Variants in MDFIC2 observed in about 807,000 individuals in gnomAD.
The protein encoded by MDFIC2 is MyoD family inhibitor domain containing 2.
chr3:70,261,196 A>G (rs773989341), intron 2 of MDFIC2, among the ~76,000 whole-genome samples: 3 of 152,164 alleles, frequency 2.0e-5, no homozygotes, highest in African/African-American at 4.8e-5. Flanking sequence ...ACTCAAAGAC[A>G]TTTGGTGGTC....
intron 2 of MDFIC2, among the ~76,000 whole-genome samples, chr3:70,247,634 A>G (rs1701720067): frequency 6.6e-6 from 1 of 151,982 alleles, no homozygotes. Context: ...TTCAGAATTT[A>G]TGACTCTAAT....
At chr3:70,308,858 G>A (rs1400712137) in intron 2 of MDFIC2, among the ~76,000 whole-genome samples, 1 of 152,066 alleles carries the variant, frequency 6.6e-6, no homozygotes, top group East Asian at 1.9e-4. Flanking sequence ...ATCAAGCAGT[G>A]CACTCAGTGC....
At chr3:70,276,933 A>G (rs563691756) in intron 2 of MDFIC2, among the ~76,000 whole-genome samples, 2 of 152,332 alleles carry the variant, frequency 1.3e-5, no homozygotes, top group South Asian at 4.1e-4. Flanking sequence ...AAATCCTCAC[A>G]TTAATAAAGT....
intron 2 of MDFIC2, among the ~76,000 whole-genome samples, chr3:70,300,322 A>G (rs1702335251): frequency 6.6e-6 from 1 of 152,036 alleles, no homozygotes; most frequent in South Asian, 2.1e-4. Context: ...TTCCTTACCT[A>G]CCACCTTCTC....
intron 2 of MDFIC2, among the ~76,000 whole-genome samples, chr3:70,209,929 T>C (rs796886739): frequency 6.6e-6 from 1 of 152,008 alleles, no homozygotes; most frequent in Non-Finnish European, 1.5e-5. Flanking sequence ...TCCCATACAT[T>C]AGAGAGTAGC....
At chr3:70,235,198 A>G (rs546481529) in intron 2 of MDFIC2, among the ~76,000 whole-genome samples, 6 of 152,254 alleles carry the variant, frequency 3.9e-5, no homozygotes, top group South Asian at 2.1e-4. Flanking sequence ...ACCATCCACA[A>G]AAGATGTGTC....
intron 2 of MDFIC2, among the ~76,000 whole-genome samples, chr3:70,296,122 G>A (rs1702287292): frequency 6.6e-6 from 1 of 152,010 alleles, no homozygotes; most frequent in African/African-American, 2.4e-5. Context: ...AAGGGTGAAA[G>A]CCTTTTTTAT....
chr3:70,290,020 T>G (rs1702215531), intron 2 of MDFIC2, among the ~76,000 whole-genome samples: 1 of 152,182 alleles, frequency 6.6e-6, no homozygotes, highest in African/African-American at 2.4e-5. Flanking sequence ...CTCCCGTAGC[T>G]CAGAGTAATT....
chr3:70,258,834 T>C (rs1001901728), intron 2 of MDFIC2, among the ~76,000 whole-genome samples: 4 of 152,148 alleles, frequency 2.6e-5, no homozygotes, highest in South Asian at 4.1e-4. Flanking sequence ...ACAAAAACGC[T>C]GAGAGCAGGT....
At chr3:70,222,199 T>G (rs987047865) in intron 2 of MDFIC2, among the ~76,000 whole-genome samples, 8 of 152,070 alleles carry the variant, frequency 5.3e-5, no homozygotes, top group African/African-American at 1.9e-4. Context: ...CTAAGGCAGG[T>G]GAACAGTCAG....
chr3:70,305,467 AT>A (rs1184183693), intron 2 of MDFIC2, among the ~76,000 whole-genome samples: 50 of 152,228 alleles, frequency 3.3e-4, no homozygotes, highest in African/African-American at 1.1e-3. Context: ...GATACAAAAA[AT>A]ATCCCGTTTA....
chr3:70,279,267 G>A (rs1043115870), intron 2 of MDFIC2, among the ~76,000 whole-genome samples: 1 of 151,828 alleles, frequency 6.6e-6, no homozygotes, highest in Non-Finnish European at 1.5e-5. Flanking sequence ...TTTACAGATG[G>A]GAAGAAACCA....
intron 3 of MDFIC2, among the ~76,000 whole-genome samples, 180 bp downstream of exon 3, chr3:70,206,388 CA>C (rs767240826): frequency 5.3e-5 from 8 of 152,032 alleles, no homozygotes; most frequent in Non-Finnish European, 1.0e-4. Context: ...AACAATCTGC[CA>C]AGCGCCTCAT....
At chr3:70,287,946 T>G (rs1335459202) in intron 2 of MDFIC2, among the ~76,000 whole-genome samples, 2 of 151,724 alleles carry the variant, frequency 1.3e-5, no homozygotes, top group Non-Finnish European at 1.5e-5. Flanking sequence ...GATTCTTCTC[T>G]CTTTTTTTCT....
chr3:70,253,662 G>T (rs1459300245), intron 2 of MDFIC2, among the ~76,000 whole-genome samples: 3 of 152,140 alleles, frequency 2.0e-5, no homozygotes, highest in Non-Finnish European at 4.4e-5. Flanking sequence ...GTTCAATGCT[G>T]CAGTGAGCTA....
At position 70,274,088 on chromosome 3, in the gene MDFIC2, T is replaced by C. The variant is rs1295762419; in HGVS notation, c.88+37798A>G. Among the ~76,000 whole-genome samples the C allele has an allele frequency of 3.4e-4, 50 of 146,400 alleles. No individual in the cohort carries two copies. In the East Asian group the frequency reaches 7.3e-3, roughly 22 times the overall value. On this transcript the variant is annotated intron_variant, in intron 2 of 3. Transcript: ENST00000567252. ...GTGTGTGTGTGTGTGTGTGTGTGTG[T>C]GTGCGCGCGCGCATGTGTGTGTGTG...
chr3:70,264,325 C>T lies in MDFIC2; in HGVS notation c.88+47561G>A, dbSNP rs180846745. ...TTTGCCACAATGCAGGCCTTTATCA[C>T]GTTTACATATTTAGAAATCTGCTCT... On this transcript the variant is annotated intron_variant, in intron 2 of 3. Coordinates refer to ENST00000567252, the MANE Select transcript of MDFIC2 (RefSeq NM_001364677.1). Among the ~76,000 whole-genome samples the T allele has an allele frequency of 5.0e-3, 754 of 152,260 alleles. 7 individuals are homozygous for T. Among genetic ancestry groups the T allele is most frequent in the Non-Finnish European group, 4.9e-3 (332 of 68,030 alleles).
intron 2 of MDFIC2, among the ~76,000 whole-genome samples, chr3:70,235,441 G>C (rs896835873): frequency 2.0e-5 from 3 of 152,132 alleles, no homozygotes; most frequent in African/African-American, 7.2e-5. Context: ...ACCTTTCAAA[G>C]CTCATGTGAT....
intron 2 of MDFIC2, among the ~76,000 whole-genome samples, chr3:70,250,282 A>G (rs868771249): frequency 6.6e-6 from 1 of 151,662 alleles, no homozygotes; most frequent in African/African-American, 2.4e-5. Context: ...GATTAATTCT[A>G]CTCTCTTAGG....
Sources: gnomAD v4.1 joint callset for allele counts (sites outside exome capture counted in the v4.1 genomes callset) on GRCh38, gnomAD v4.1.1 for gene constraint, MANE v1.5 for transcripts, NCBI Gene and HGNC (gene_info 2026-07-23, HGNC 2026-07-21) for gene names.